NEBL: variants seen among roughly 807,000 people sequenced by gnomAD.
The protein encoded by NEBL is LIM and SH3 protein 2.
A neutral mutation model predicts 140.2 loss-of-function variants in NEBL; 122 were observed. The observed-to-expected ratio is 0.87, with a 90% CI of 0.75 to 1.01. NEBL has a LOEUF of 1.01. Ranked by LOEUF, NEBL falls within the 50% of genes least tolerant of loss-of-function variation. The probability of loss-of-function intolerance (pLI) is 0.00; values close to 1 mark genes in which losing one functional copy is unlikely to be tolerated. For synonymous variants in NEBL, 436 were observed against 398.9 expected, an observed-to-expected ratio of 1.09 and a Z score of -1.11; for missense variants, 1,365 against 1,231.3, an observed-to-expected ratio of 1.11 and a Z score of -1.62.
chr10:21,204,469 A>G (rs2132229909), intron 3 of NEBL, among the ~76,000 whole-genome samples: 1 of 152,168 alleles, frequency 6.6e-6, no homozygotes, highest in East Asian at 1.9e-4. Context: ...TTCCATGCGC[A>G]CATGATGACA....
At chr10:21,087,716 G>C (rs766543685) in intron 2 of NEBL, among the ~76,000 whole-genome samples, 1 of 152,154 alleles carries the variant, frequency 6.6e-6, no homozygotes, top group Non-Finnish European at 1.5e-5. Flanking sequence ...TTGAGGTCTT[G>C]GAAATTACTT....
chr10:21,010,419 ATTT>A (rs35635365), intron 3 of NEBL, among the ~76,000 whole-genome samples: 2,454 of 140,802 alleles, frequency 0.017, 77 homozygotes, highest in African/African-American at 0.061. Context: ...GAATTTTTTA[ATTT>A]TTTTTTTTTT....
intron 2 of NEBL, among the ~76,000 whole-genome samples, chr10:21,111,270 G>A (rs1273098105): frequency 1.3e-5 from 2 of 152,054 alleles, no homozygotes; most frequent in Non-Finnish European, 2.9e-5. Context: ...AACCAAAAAA[G>A]AGCCCACAGA....
chr10:20,840,685 T>C, intron 13 of NEBL, 54 bp downstream of exon 13: 2 of 1,222,474 alleles, frequency 1.6e-6, no homozygotes, highest in East Asian at 2.3e-5. Flanking sequence ...GATTGACAAA[T>C]AAGAAAGTCA....
intron 2 of NEBL, among the ~76,000 whole-genome samples, chr10:21,157,098 G>C (rs1053583518): frequency 6.6e-6 from 1 of 152,154 alleles, no homozygotes; most frequent in Non-Finnish European, 1.5e-5. Flanking sequence ...GGTGAAAGAA[G>C]AGAAGGTTAT....
chr10:21,104,948 A>G (rs1433082071), intron 2 of NEBL, among the ~76,000 whole-genome samples: 1 of 152,240 alleles, frequency 6.6e-6, no homozygotes, highest in Non-Finnish European at 1.5e-5. Flanking sequence ...TGTTGCGCAT[A>G]GTAAAATGCT....
chr10:20,786,393 C>T (rs1314633885), intron 27 of NEBL, among the ~76,000 whole-genome samples: 5 of 152,176 alleles, frequency 3.3e-5, no homozygotes, highest in African/African-American at 1.2e-4. Flanking sequence ...AACATACTCA[C>T]TATATAGGTT....
At chr10:21,030,180 T>C (rs1833719537) in intron 2 of NEBL, 1 of 488,282 alleles carries the variant, frequency 2.0e-6, no homozygotes. Context: ...CAGCATCAGC[T>C]GGATGAGGCA....
At position 20,869,614 on chromosome 10, in the gene NEBL, T is replaced by A. The variant is rs1844707770; in HGVS notation, c.582+126A>T. 5.6e-6 allele frequency: 4 copies of A among 717,490 alleles called. No homozygotes were observed. The Admixed American group carries it at 8.5e-5, about 15-fold the overall frequency. 44.4% of individuals were successfully genotyped at this position (717,490 alleles called of 1,614,324 possible). On this transcript the variant is annotated intron_variant, in intron 6 of 27. Coordinates refer to ENST00000377122, the MANE Select transcript of NEBL (RefSeq NM_006393.3). ...AAATAGATAATTTAGGGGGGGAAAT[T>A]GAGATGTATTCATTTATATTGATTA...
chr10:20,871,027 T>G (rs1426676289), intron 5 of NEBL, among the ~76,000 whole-genome samples: 1 of 152,214 alleles, frequency 6.6e-6, no homozygotes, highest in Non-Finnish European at 1.5e-5. Flanking sequence ...TATTTGGCAA[T>G]ATCCCCAGGG....
At chr10:20,939,649 A>C (rs1290541012) in intron 4 of NEBL, among the ~76,000 whole-genome samples, 5 of 152,142 alleles carry the variant, frequency 3.3e-5, no homozygotes, top group Non-Finnish European at 7.3e-5. Context: ...CAAATTGGAT[A>C]AAGAGTCAAG....
rs1349727772 is a variant in NEBL, at chr10:20,784,471, T to C, written c.*1276A>G. The C allele has an allele frequency of 6.6e-6, 1 of 152,042 alleles. No individual in the cohort carries two copies. Among genetic ancestry groups the C allele is most frequent in the African/African-American group, 2.4e-5 (1 of 41,388 alleles). 9.4% of individuals were successfully genotyped at this position (152,042 alleles called of 1,614,324 possible). ...ATCTCTGATGACATTCCTGTTTCAT[T>C]CCCTTAAAAATGATTTAGAAAATAA... On this transcript the variant is annotated 3_prime_UTR_variant, in exon 28 of 28. Transcript: ENST00000377122.
chr10:20,859,996 A>AT (rs1441584710), intron 7 of NEBL, among the ~76,000 whole-genome samples, 170 bp from the exon 8 acceptor site: 4 of 152,132 alleles, frequency 2.6e-5, no homozygotes, highest in Non-Finnish European at 5.9e-5. Context: ...TTTATCTTTA[A>AT]TAAAAAAAAC....
chr10:20,938,208 C>A (rs981112114), intron 4 of NEBL, among the ~76,000 whole-genome samples: 2 of 152,202 alleles, frequency 1.3e-5, no homozygotes, highest in African/African-American at 4.8e-5. Flanking sequence ...CAGACTGACA[C>A]CTCACACGGC....
intron 2 of NEBL, among the ~76,000 whole-genome samples, chr10:21,084,168 G>T (rs1836510710): frequency 6.6e-6 from 1 of 152,246 alleles, no homozygotes; most frequent in Non-Finnish European, 1.5e-5. Context: ...AGAGAGATGG[G>T]AGTGGCTTTG....
intron 3 of NEBL, among the ~76,000 whole-genome samples, chr10:21,228,310 C>T (rs932069051): frequency 6.6e-6 from 1 of 152,190 alleles, no homozygotes; most frequent in East Asian, 1.9e-4. Flanking sequence ...AAAACCACCA[C>T]ACCCAGGTCA....
chr10:21,030,784 C>T, intron 2 of NEBL: 1 of 388,816 alleles, frequency 2.6e-6, no homozygotes, highest in South Asian at 2.2e-5. Context: ...CAGATCTGCA[C>T]CTGAGCCAAT....
intron 3 of NEBL, among the ~76,000 whole-genome samples, chr10:21,222,059 GTTCAT>G (rs991812364): frequency 2.0e-5 from 3 of 151,784 alleles, no homozygotes; most frequent in Non-Finnish European, 4.4e-5. Context: ...ACTCTGCCAT[GTTCAT>G]TTCAACAGGT....
intron 2 of NEBL, among the ~76,000 whole-genome samples, chr10:21,151,635 G>C (rs1039375635): frequency 5.3e-5 from 8 of 152,110 alleles, no homozygotes; most frequent in Non-Finnish European, 1.2e-4. Flanking sequence ...AGGCCTTGTA[G>C]GGTCCCCACC....
Sources: allele counts gnomAD v4.1 joint callset (sites outside exome capture counted in the v4.1 genomes callset), GRCh38; gene constraint gnomAD v4.1.1; transcripts MANE v1.5; gene names NCBI Gene and HGNC (gene_info 2026-07-23, HGNC 2026-07-21).